The following PCDH9 variants were observed in gnomAD, a reference collection of about 807,000 sequenced individuals.
The protein encoded by PCDH9 is protocadherin 9.
In PCDH9, 24 loss-of-function variants were observed where a neutral mutation model predicts 70.6. The observed-to-expected ratio is 0.34, with a 90% CI of 0.25 to 0.48. PCDH9 has a LOEUF of 0.48. Among genes scored for constraint, PCDH9 ranks in the 20% least tolerant of loss-of-function variants. The pLI is 0.99. For synonymous variants in PCDH9, 562 were observed against 558.5 expected, an observed-to-expected ratio of 1.01 and a Z score of -0.09; for missense variants, 1,281 against 1,503.6, an observed-to-expected ratio of 0.85 and a Z score of 2.45.
intron 2 of PCDH9, among the ~76,000 whole-genome samples, chr13:67,132,869 T>A (rs2087140289): frequency 1.3e-5 from 2 of 152,068 alleles, no homozygotes; most frequent in Admixed American, 1.3e-4. Context: ...ACTCTTACGT[T>A]CCTCCAAGCC....
chr13:66,373,604 C>G (rs904884974), intron 4 of PCDH9, among the ~76,000 whole-genome samples: 1 of 151,932 alleles, frequency 6.6e-6, no homozygotes, highest in Non-Finnish European at 1.5e-5. Context: ...AGAATTATTT[C>G]TTCAATACAG....
chr13:66,641,866 G>A (rs1398209806), intron 3 of PCDH9, among the ~76,000 whole-genome samples: 1 of 152,118 alleles, frequency 6.6e-6, no homozygotes, highest in Non-Finnish European at 1.5e-5. Flanking sequence ...CTTAGTAATG[G>A]TATTGTGAAA....
At chr13:67,048,077 A>C (rs974433161) in intron 2 of PCDH9, among the ~76,000 whole-genome samples, 1 of 152,180 alleles carries the variant, frequency 6.6e-6, no homozygotes, top group South Asian at 2.1e-4. Flanking sequence ...ATCCCTGACC[A>C]TCGACCTCAA....
chr13:66,425,714 G>A (rs1174308533), intron 4 of PCDH9, among the ~76,000 whole-genome samples: 1 of 151,714 alleles, frequency 6.6e-6, no homozygotes, highest in Non-Finnish European at 1.5e-5. Flanking sequence ...ATTTGATATT[G>A]TCTAGGTACA....
intron 2 of PCDH9, among the ~76,000 whole-genome samples, chr13:67,124,762 G>C (rs1416800330): frequency 6.6e-6 from 1 of 152,174 alleles, no homozygotes; most frequent in Non-Finnish European, 1.5e-5. Flanking sequence ...TTTGGAGGAA[G>C]AGGAGACAGG....
intron 2 of PCDH9, among the ~76,000 whole-genome samples, chr13:67,140,803 T>G (rs145256245): frequency 6.6e-6 from 1 of 152,222 alleles, no homozygotes; most frequent in African/African-American, 2.4e-5. Flanking sequence ...CTATGAGCCA[T>G]GTGCAGCACA....
Position 67,092,962 on chromosome 13 carries a change from A to G in PCDH9, c.3036+132443T>C, listed in dbSNP as rs966571677. On this transcript the variant is annotated intron_variant, in intron 2 of 4. Transcript: ENST00000377865. ...CTAGGCCACAATGTAAAGAAGGGGG[A>G]AAAAAAAACTATAGTAACTTCTAAA... Among the ~76,000 whole-genome samples the G allele has an allele frequency of 1.3e-3, 165 of 122,798 alleles. 1 individual carries two copies. The highest frequency in any genetic ancestry group is 4.5e-3 in the African/African-American group (156 of 34,806). 80.6% of individuals were successfully genotyped at this position (122,798 alleles called of 152,430 possible).
chr13:66,674,323 A>T (rs2078214944), intron 3 of PCDH9, among the ~76,000 whole-genome samples: 1 of 152,100 alleles, frequency 6.6e-6, no homozygotes. Context: ...GCTTACAAAC[A>T]CATTCTGTTT....
chr13:66,591,472 A>G (rs1932891), intron 4 of PCDH9, among the ~76,000 whole-genome samples: 1 of 141,112 alleles, frequency 7.1e-6, no homozygotes, highest in African/African-American at 2.5e-5. Context: ...TAAAAAAAAA[A>G]CAAAAAAAAA....
intron 2 of PCDH9, among the ~76,000 whole-genome samples, chr13:66,914,229 G>C (rs1233520866): frequency 1.3e-5 from 2 of 151,848 alleles, no homozygotes; most frequent in African/African-American, 4.8e-5. Context: ...TCTTCTTATA[G>C]GTCTGGGTAA....
At chr13:66,355,413 T>C (rs546242404) in intron 4 of PCDH9, among the ~76,000 whole-genome samples, 54 of 152,122 alleles carry the variant, frequency 3.5e-4, no homozygotes, top group African/African-American at 1.3e-3. Context: ...CTGAAAAAAG[T>C]GTCCTTTTCA....
chr13:66,415,287 A>G (rs1009572041), intron 4 of PCDH9, among the ~76,000 whole-genome samples: 12 of 152,192 alleles, frequency 7.9e-5, no homozygotes, highest in African/African-American at 2.7e-4. Context: ...TAGCCGTGCT[A>G]TGAACTAAAA....
At chr13:67,056,200 C>T (rs1594449802) in intron 2 of PCDH9, among the ~76,000 whole-genome samples, 1 of 152,116 alleles carries the variant, frequency 6.6e-6, no homozygotes, top group African/African-American at 2.4e-5. Flanking sequence ...ACTTATTTAA[C>T]AGTCAAGTGC....
chr13:67,117,332 A>G lies in PCDH9; in HGVS notation c.3036+108073T>C, dbSNP rs17082112. ...TTTCCTACTGCCAAAGAAAAGCACT[A>G]TTGTCCTTCTTGAAGAATTCCCTTT... On this transcript the variant is annotated intron_variant, in intron 2 of 4. Coordinates refer to ENST00000377865, the MANE Select transcript of PCDH9 (RefSeq NM_203487.3). Among the ~76,000 whole-genome samples, 452 of 152,224 alleles carry G rather than the reference A, an allele frequency of 3.0e-3. 5 individuals carry two copies. Among genetic ancestry groups the G allele is most frequent in the African/African-American group, 9.7e-3 (402 of 41,554 alleles).
intron 4 of PCDH9, among the ~76,000 whole-genome samples, chr13:66,456,390 C>T (rs369276164): frequency 4.6e-5 from 7 of 152,064 alleles, no homozygotes; most frequent in East Asian, 1.9e-4. Flanking sequence ...ATCTCCTGAG[C>T]GGCTAGGACT....
intron 2 of PCDH9, among the ~76,000 whole-genome samples, chr13:67,199,141 T>A (rs946231161): frequency 3.3e-5 from 5 of 151,654 alleles, no homozygotes; most frequent in Admixed American, 3.3e-4. Context: ...TTTCAATCTA[T>A]CTGAACTTAT....
At chr13:66,973,166 C>G (rs1186777400) in intron 2 of PCDH9, among the ~76,000 whole-genome samples, 2 of 151,948 alleles carry the variant, frequency 1.3e-5, no homozygotes, top group Non-Finnish European at 2.9e-5. Context: ...AGGAGCTCTA[C>G]ATTTTGTTCT....
chr13:66,747,908 G>A (rs1043716081), intron 3 of PCDH9, among the ~76,000 whole-genome samples: 1 of 152,132 alleles, frequency 6.6e-6, no homozygotes, highest in African/African-American at 2.4e-5. Context: ...TCGTTATGTA[G>A]TAATTAGAAA....
At chr13:66,445,078 T>TATCA (rs2138411882) in intron 4 of PCDH9, among the ~76,000 whole-genome samples, 1 of 147,402 alleles carries the variant, frequency 6.8e-6, no homozygotes, top group East Asian at 2.0e-4. Flanking sequence ...GTATTATATC[T>TATCA]ATCATATATA....
Sources: allele counts gnomAD v4.1 joint callset (sites outside exome capture counted in the v4.1 genomes callset), GRCh38; gene constraint gnomAD v4.1.1; transcripts MANE v1.5; gene names NCBI Gene and HGNC (gene_info 2026-07-23, HGNC 2026-07-21).